HPS1: variants seen among roughly 807,000 people sequenced by gnomAD.
HPS1 encodes the protein BLOC-3 complex member HPS1.
In HPS1, 59 loss-of-function variants were observed where a neutral mutation model predicts 90.6. The observed-to-expected ratio is 0.65, with a 90% CI of 0.53 to 0.81. HPS1 has a LOEUF of 0.81. Ranked by LOEUF, HPS1 falls within the 30% of genes least tolerant of loss-of-function variation. HPS1 has a pLI of 0.00. For missense variants in HPS1, 849 were observed against 896.7 expected, an observed-to-expected ratio of 0.95 and a Z score of 0.68; for synonymous variants, 388 against 384.4, an observed-to-expected ratio of 1.01 and a Z score of -0.11.
At chr10:98,422,623 C>T (rs1845040619) in intron 16 of HPS1, 110 bp from the exon 17 acceptor site, 1 of 1,096,764 alleles carries the variant, frequency 9.1e-7, no homozygotes, top group African/African-American at 1.5e-5. Context: ...AGGACTGCCT[C>T]TTTCCAGCAG....
intron 17 of HPS1, 31 bp downstream of exon 17, chr10:98,422,338 A>T: frequency 7.7e-7 from 1 of 1,305,482 alleles, no homozygotes; most frequent in Non-Finnish European, 1.1e-6. Context: ...GCTGAGGCCC[A>T]CCCATCCCCG....
At chr10:98,441,364 CCA>C (rs1271239683) in intron 3 of HPS1, among the ~76,000 whole-genome samples, 4 of 152,100 alleles carry the variant, frequency 2.6e-5, no homozygotes, top group African/African-American at 9.7e-5. Context: ...ATAGCTCATA[CCA>C]CACACAAAAA....
chr10:98,430,605 T>TA lies in HPS1; in HGVS notation c.733dup (p.Tyr245LeufsTer54), dbSNP rs1403467149. 3 of 1,555,004 alleles carry TA rather than the reference T, an allele frequency of 1.9e-6. No homozygotes were observed. In the African/African-American group the frequency reaches 4.1e-5, roughly 21 times the overall value. Reference sequence around the variant, plus strand: ...GTCCTCTGCTGTGCTCTCGCTGGGGTAGAGGTCCTGAACCAGGAGGATGAG... The same window carrying TA: ...GTCCTCTGCTGTGCTCTCGCTGGGGTAAGAGGTCCTGAACCAGGAGGATGAG... On this transcript the variant is annotated frameshift_variant, in exon 8 of 20. Transcript: ENST00000361490. LOFTEE classifies it high-confidence loss of function.
chr10:98,415,542 C>T (rs1375467433), downstream of HPS1, among the ~76,000 whole-genome samples: 1 of 152,248 alleles, frequency 6.6e-6, no homozygotes, highest in African/African-American at 2.4e-5. Context: ...CTCCCCTGTG[C>T]ATCTACCTTC....
At chr10:98,419,176 A>G (rs1380194485) in intron 18 of HPS1, among the ~76,000 whole-genome samples, 2 of 151,752 alleles carry the variant, frequency 1.3e-5, no homozygotes, top group Non-Finnish European at 2.9e-5. Flanking sequence ...GCCCTGCCCT[A>G]TGGAAAGGGA....
chr10:98,443,379 T>C (rs1938808434), intron 2 of HPS1, 139 bp from the exon 3 acceptor site: 1 of 767,328 alleles, frequency 1.3e-6, no homozygotes, highest in Admixed American at 1.8e-5. Context: ...GGGACTTCCA[T>C]TTTTGTTGCA....
chr10:98,431,217 A>C lies in HPS1; in HGVS notation c.582T>G (p.Ala194=), dbSNP rs994752646. 5 of 1,614,094 alleles carry C rather than the reference A, an allele frequency of 3.1e-6. No individual in the cohort carries two copies. The highest frequency in any genetic ancestry group is 2.2e-5 in the East Asian group (1 of 44,880). Residue 194 remains alanine, a synonymous_variant, in exon 7 of 20, where the codon GCT becomes GCG. Transcript: ENST00000361490. ...IEALERHVIQ[A]VNTSPERGGE... Reference sequence around the variant, plus strand: ...CTCCCCGCTCGGGGCTGGTGTTGACAGCCTGGATGACGTGCCGCTCCAGCG... The same window carrying C: ...CTCCCCGCTCGGGGCTGGTGTTGACCGCCTGGATGACGTGCCGCTCCAGCG...
chr10:98,429,218 G>T, intron 10 of HPS1: 1 of 1,052,922 alleles, frequency 9.5e-7, no homozygotes, highest in Non-Finnish European at 1.2e-6. Context: ...TACAGATGCT[G>T]AATATATTTT....
In HPS1 at chr10:98,430,722, G is replaced by C; in HGVS notation, c.669-52C>G. ...ATCAGCACATGCCCAGCAGGAGACG[G>C]GGCAGGCAGGTTAAAGGAGTGTGGA... On this transcript the variant is annotated intron_variant, in intron 7 of 19. Coordinates refer to ENST00000361490, the MANE Select transcript of HPS1 (RefSeq NM_000195.5). 3 of 1,458,930 alleles carry C rather than the reference G, an allele frequency of 2.1e-6. No homozygotes were observed. In the South Asian group the frequency reaches 3.7e-5, roughly 18 times the overall value. The allele number at this position is 1,458,930 out of a possible 1,614,324, so 90.4% of individuals were successfully genotyped here. A position where few individuals can be genotyped will look rare whatever the true frequency, so the allele number is the denominator to read the frequency against.
Position 98,435,802 on chromosome 10 carries a change from T to C in HPS1, c.118-30A>G, listed in dbSNP as rs1481227965. 1 of 1,613,914 alleles carries C rather than the reference T, an allele frequency of 6.2e-7. No individual in the cohort carries two copies. Among genetic ancestry groups the C allele is most frequent in the South Asian group, 1.1e-5 (1 of 91,044 alleles). On this transcript the variant is annotated intron_variant, in intron 3 of 19. Coordinates refer to ENST00000361490, the MANE Select transcript of HPS1 (RefSeq NM_000195.5). The surrounding 1 kb of genome is among the most constrained non-coding windows in gnomAD (Gnocchi z 4.3). ...AAAAATGGGGGAAAATTTCACAGCT[T>C]AGAGTGGGCCAGACACCAAGAACTA...
chr10:98,416,293 A>G lies in HPS1; in HGVS notation c.*1271T>C, dbSNP rs991193994. The G allele has an allele frequency of 1.6e-4, 25 of 152,358 alleles. No individual in the cohort carries two copies. Among genetic ancestry groups the G allele is most frequent in the Admixed American group, 1.6e-3 (24 of 15,276 alleles). 9.4% of individuals were successfully genotyped at this position (152,358 alleles called of 1,614,324 possible). A position where few individuals can be genotyped will look rare whatever the true frequency, so the allele number is the denominator to read the frequency against. On this transcript the variant is annotated 3_prime_UTR_variant, in exon 20 of 20. Coordinates refer to ENST00000361490, the MANE Select transcript of HPS1 (RefSeq NM_000195.5). ...ATATCACATCCAGCCGCTGCTAAAAACTAAAGGGAAATAGTAGGTGACAAA... is the reference window on the plus strand; with the variant it reads ...ATATCACATCCAGCCGCTGCTAAAAGCTAAAGGGAAATAGTAGGTGACAAA...
rs372747951 is a variant in HPS1, at chr10:98,429,937, C to T, written c.769-48G>A. On this transcript the variant is annotated intron_variant, in intron 8 of 19. Coordinates refer to ENST00000361490, the MANE Select transcript of HPS1 (RefSeq NM_000195.5). ...TGGTTAGCTCCTATCTGACCTGGCT[C>T]CCTCCACCCCTTCTGCCTCCCAGCG... is the stretch of plus-strand genomic sequence containing the variant. 39 of 1,524,074 alleles carry T rather than the reference C, an allele frequency of 2.6e-5. No homozygotes were observed. In the African/African-American group the frequency reaches 5.0e-4, roughly 20 times the overall value. The allele number at this position is 1,524,074 out of a possible 1,614,324, so 94.4% of individuals were successfully genotyped here.
At chr10:98,422,601 G>A (rs1431561824) in intron 16 of HPS1, 88 bp from the exon 17 acceptor site, 3 of 1,349,662 alleles carry the variant, frequency 2.2e-6, no homozygotes, top group Admixed American at 1.7e-5. Flanking sequence ...CAGTCATGGT[G>A]GCAGGAGGGC....
intron 6 of HPS1, 105 bp downstream of exon 6, chr10:98,433,878 C>T (rs1333230803): frequency 2.0e-6 from 3 of 1,468,392 alleles, no homozygotes; most frequent in Non-Finnish European, 2.8e-6. Context: ...GTTTCAGGGG[C>T]TGCTTGTGCC....
intron 16 of HPS1, among the ~76,000 whole-genome samples, chr10:98,422,846 G>C (rs1005660363): frequency 6.6e-6 from 1 of 152,218 alleles, no homozygotes; most frequent in Non-Finnish European, 1.5e-5. Context: ...CAGCCACTTG[G>C]TTCATGAGTG....
Position 98,422,453 on chromosome 10 carries a change from C to T in HPS1, c.1659G>A (p.Gln553=). ...HFIYVDRTTG[Q]MVAPSLNCSQ... ...TGCAGTTGAGGGAAGGCGCCACCAT[C>T]TGCCCAGTGGTGCGGTCCACATAGA... Residue 553 remains glutamine (Q), a synonymous_variant, in exon 17 of 20, where the codon CAG becomes CAA. Transcript: ENST00000361490. 1 of 1,614,108 alleles carries T rather than the reference C, an allele frequency of 6.2e-7. No individual in the cohort carries two copies. Among genetic ancestry groups the T allele is most frequent in the South Asian group, 1.1e-5 (1 of 91,082 alleles).
intron 5 of HPS1, 42 bp from the exon 6 acceptor site, chr10:98,434,133 G>A (rs1232135311): frequency 4.6e-6 from 7 of 1,534,540 alleles, no homozygotes; most frequent in Non-Finnish European, 6.1e-6. Context: ...TCACAAGAAA[G>A]CTGGTCTCCC....
chr10:98,423,804 C>G lies in HPS1; in HGVS notation c.1481G>C (p.Gly494Ala), dbSNP rs571793091. Residue 494 changes from glycine (G) to alanine (A), a missense_variant, in exon 15 of 20, where the codon GGA becomes GCA. Physicochemically the swap from Gly to Ala is moderately conservative, Grantham distance 60. Coordinates refer to ENST00000361490, the MANE Select transcript of HPS1 (RefSeq NM_000195.5). Reference protein sequence around the residue: ...LNFLTTAPSRGGPHLPQHLQD... With the variant: ...LNFLTTAPSRAGPHLPQHLQD... ...CAGGTGCTGGGGCAGGTGTGGGCCT[C>G]CCCTGCTGGGGGCTGTGGTCAGAAA... The G allele has an allele frequency of 1.9e-6, 3 of 1,613,912 alleles. No homozygotes were observed. Among genetic ancestry groups the G allele is most frequent in the Non-Finnish European group, 2.5e-6 (3 of 1,180,034 alleles).
At chr10:98,414,972 C>G (rs754134033), downstream of HPS1, 4 of 1,604,740 alleles carry the variant, frequency 2.5e-6, no homozygotes, top group African/African-American at 1.3e-5. Flanking sequence ...TGTCTTCCCG[C>G]CCCTCAGCTC....
Sources: gnomAD v4.1 joint callset for allele counts (sites outside exome capture counted in the v4.1 genomes callset) on GRCh38, gnomAD v4.1.1 for gene constraint, Gnocchi (gnomAD v3.1) non-coding constraint, MANE v1.5 for transcripts, NCBI Gene and HGNC (gene_info 2026-07-23, HGNC 2026-07-21) for gene names.